KIF20B: variants seen among roughly 807,000 people sequenced by gnomAD.
The protein encoded by KIF20B is kinesin-like protein KIF20B.
A neutral mutation model predicts 232.5 loss-of-function variants in KIF20B; 188 were observed. The ratio of observed to expected loss-of-function variants is 0.81; its 90% CI spans 0.72 to 0.91. The LOEUF (loss-of-function observed/expected upper bound fraction) is 0.91, where lower values mean the gene tolerates loss of function less well. KIF20B is among the 40% of genes least tolerant of loss of function. The pLI is 0.00. For missense variants in KIF20B, 2,154 were observed against 2,055.9 expected (o/e 1.05, Z -0.92); for synonymous variants, 712 against 683.0 (o/e 1.04, Z -0.66).
intron 31 of KIF20B, 75 bp from the exon 32 acceptor site, chr10:89,772,614 C>A: frequency 1.1e-6 from 1 of 904,120 alleles, no homozygotes. Flanking sequence ...TTCAAACCAT[C>A]TTTATTAAGG....
chr10:89,750,012 T>C (rs570428851), intron 23 of KIF20B, among the ~76,000 whole-genome samples: 1 of 152,312 alleles, frequency 6.6e-6, no homozygotes, highest in South Asian at 2.1e-4. Context: ...GTCTCAGACT[T>C]CTTTACTTTG....
Position 89,758,740 on chromosome 10 carries a change from G to C in KIF20B, c.4538G>C (p.Ser1513Thr). 6.2e-7 allele frequency: 1 copy of C among 1,605,500 alleles called. No homozygotes were observed. Among genetic ancestry groups the C allele is most frequent in the Non-Finnish European group, 8.5e-7 (1 of 1,176,308 alleles). The change falls in exon 27 of 33, where the codon AGT (serine) becomes ACT (threonine). Residue 1513 changes from serine to threonine, a missense_variant. Coordinates refer to ENST00000371728, the MANE Select transcript of KIF20B (RefSeq NM_001284259.2). ...ACAGCCCAGCTGACAGAGAAAGATAGTGACCTTCAAAAGTGGCGAGAAGAA... is the reference window on the plus strand; with the variant it reads ...ACAGCCCAGCTGACAGAGAAAGATACTGACCTTCAAAAGTGGCGAGAAGAA... ...ILTAQLTEKD[S>T]DLQKWREERD...
At position 89,761,837 on chromosome 10, in the gene KIF20B, T is replaced by C. The variant is rs140284568; in HGVS notation, c.4792-801T>C. 1.1e-4 allele frequency among the ~76,000 whole-genome samples: 17 copies of C among 152,214 alleles called. No homozygotes were observed. In the East Asian group the frequency reaches 3.1e-3, roughly 28 times the overall value. The stretch of plus-strand genomic sequence containing the variant: ...ATTTCTTTCTCCATAAATTTATGTA[T>C]GTTGTCCTAAAACCTCCTGGTTCCA... On this transcript the variant is annotated intron_variant, in intron 28 of 32. Transcript: ENST00000371728.
At chr10:89,738,905 G>A (rs1406314865) in intron 20 of KIF20B, 53 bp from the exon 21 acceptor site, 17 of 1,557,574 alleles carry the variant, frequency 1.1e-5, no homozygotes, top group African/African-American at 1.4e-5. Context: ...CACATGTATG[G>A]TCCTAAGCAG....
chr10:89,768,245 AAT>A, intron 29 of KIF20B, 43 bp from the exon 30 acceptor site: 1 of 1,218,354 alleles, frequency 8.2e-7, no homozygotes, highest in South Asian at 1.3e-5. Flanking sequence ...AGAGAAATAA[AAT>A]ATTGTCAAGA....
intron 29 of KIF20B, among the ~76,000 whole-genome samples, chr10:89,763,694 T>G (rs1235700648): frequency 6.6e-6 from 1 of 152,106 alleles, no homozygotes; most frequent in African/African-American, 2.4e-5. Context: ...TACCATGTCC[T>G]AGATGTGGAG....
chr10:89,738,105 G>A lies in KIF20B; in HGVS notation c.3264G>A (p.Leu1088=). 1 of 1,611,806 alleles carries A rather than the reference G, an allele frequency of 6.2e-7. No homozygotes were observed. ...IEELEQQIEK[L]QAEVKGYKDE... is the part of the protein sequence containing the mutation. ...AACTGGAACAACAAATTGAAAAATT[G>A]CAGGCAGAAGTAAAAGGCTATAAGG... The change falls in exon 20 of 33, where the codon TTG becomes TTA. Residue 1088 remains leucine, a synonymous_variant. Transcript: ENST00000371728.
At chr10:89,768,963 A>G (rs772997281) in intron 31 of KIF20B, 75 bp downstream of exon 31, 45 of 1,194,296 alleles carry the variant, frequency 3.8e-5, no homozygotes, top group Non-Finnish European at 5.2e-5. Context: ...TGATATATAA[A>G]CTCAACAGCT....
chr10:89,703,444 G>A (rs1274545852), intron 1 of KIF20B, among the ~76,000 whole-genome samples: 1 of 152,136 alleles, frequency 6.6e-6, no homozygotes, highest in African/African-American at 2.4e-5. Flanking sequence ...CAGGGTGAGG[G>A]GCCACCATCT....
chr10:89,705,500 C>CT, intron 2 of KIF20B, 59 bp downstream of exon 2: 1 of 1,486,738 alleles, frequency 6.7e-7, no homozygotes, highest in Non-Finnish European at 9.2e-7. Flanking sequence ...CAAGGGTTGG[C>CT]AAACAATGGC....
intron 31 of KIF20B, 56 bp from the exon 32 acceptor site, chr10:89,772,633 T>C (rs1842487148): frequency 1.8e-6 from 2 of 1,127,014 alleles, no homozygotes; most frequent in Non-Finnish European, 2.5e-6. Flanking sequence ...GGATTTCAAA[T>C]CACCTTTGCA....
chr10:89,749,238 G>A (rs1841978363), intron 23 of KIF20B, among the ~76,000 whole-genome samples: 1 of 151,978 alleles, frequency 6.6e-6, no homozygotes. Flanking sequence ...TTGTGTATGA[G>A]ACATTTCCCT....
intron 2 of KIF20B, among the ~76,000 whole-genome samples, chr10:89,708,010 T>G (rs189243855): frequency 7.4e-4 from 112 of 152,346 alleles, no homozygotes; most frequent in African/African-American, 2.6e-3. Context: ...TAAACCATTC[T>G]TGGTCAGATG....
In KIF20B at chr10:89,751,345, G is replaced by C; in HGVS notation, c.4097-1G>C. The C allele has an allele frequency of 1.3e-6, 2 of 1,593,322 alleles. No homozygotes were observed. The highest frequency in any genetic ancestry group is 1.7e-6 in the Non-Finnish European group (2 of 1,172,142). On this transcript the variant is annotated splice_acceptor_variant, in intron 23 of 32. Coordinates refer to ENST00000371728, the MANE Select transcript of KIF20B (RefSeq NM_001284259.2). LOFTEE classifies it high-confidence loss of function. ...CTAAAATGTTCTCCCCCGATTTTTA[G>C]ATCTAAATGTTAAAGAGAAAATAAT...
At chr10:89,731,311 TA>T in intron 18 of KIF20B, among the ~76,000 whole-genome samples, 1 of 152,256 alleles carries the variant, frequency 6.6e-6, no homozygotes, top group East Asian at 1.9e-4. Flanking sequence ...GAAGTGATAG[TA>T]AAAAAATCAA....
intron 2 of KIF20B, among the ~76,000 whole-genome samples, chr10:89,707,579 C>T (rs1379353209): frequency 6.7e-6 from 1 of 149,102 alleles, no homozygotes; most frequent in Non-Finnish European, 1.5e-5. Context: ...TCCCTTTTAC[C>T]TTTCTTTTTC....
intron 4 of KIF20B, 21 bp downstream of exon 4, chr10:89,709,482 T>G: frequency 6.6e-7 from 1 of 1,515,692 alleles, no homozygotes; most frequent in Non-Finnish European, 9.1e-7. Context: ...AGTGTTTTTG[T>G]TTTTTGTTTT....
intron 8 of KIF20B, 76 bp from the exon 9 acceptor site, chr10:89,716,360 A>G: frequency 3.1e-6 from 2 of 646,072 alleles, no homozygotes; most frequent in South Asian, 2.2e-5. Context: ...CTAGGAAAAG[A>G]CTTTCAAAGA....
intron 28 of KIF20B, among the ~76,000 whole-genome samples, chr10:89,762,228 A>G (rs1312207609): frequency 6.6e-6 from 1 of 152,192 alleles, no homozygotes; most frequent in Non-Finnish European, 1.5e-5. Flanking sequence ...AAATTCAAAT[A>G]GAGGGGAATG....
Sources: allele counts gnomAD v4.1 joint callset (sites outside exome capture counted in the v4.1 genomes callset), GRCh38; gene constraint gnomAD v4.1.1; transcripts MANE v1.5; gene names NCBI Gene and HGNC (gene_info 2026-07-23, HGNC 2026-07-21).